Variants in ARHGEF11 observed in about 807,000 individuals in gnomAD.
ARHGEF11 encodes Rho guanine exchange factor (GEF) 11.
In ARHGEF11, 55 loss-of-function variants were observed where a neutral mutation model predicts 193.7. The observed-to-expected ratio is 0.28, with a 90% CI of 0.23 to 0.36. The LOEUF (loss-of-function observed/expected upper bound fraction) is 0.36, where lower values mean the gene tolerates loss of function less well. ARHGEF11 is among the 10% of genes least tolerant of loss of function. ARHGEF11 has a pLI of 1.00. For synonymous variants in ARHGEF11, 693 were observed against 768.0 expected (o/e 0.90, Z 1.62); for missense variants, 1,723 against 2,005.6 (o/e 0.86, Z 2.69).
intron 1 of ARHGEF11, among the ~76,000 whole-genome samples, chr1:156,996,173 C>T (rs1485821162): frequency 1.3e-5 from 2 of 152,070 alleles, no homozygotes; most frequent in African/African-American, 4.8e-5. Flanking sequence ...CACTGGTGAC[C>T]CTGTAAGAAC....
intron 1 of ARHGEF11, among the ~76,000 whole-genome samples, chr1:157,000,259 G>A (rs577532008): frequency 6.6e-5 from 10 of 152,242 alleles, no homozygotes; most frequent in African/African-American, 1.7e-4. Flanking sequence ...CACCGTGCCC[G>A]GCCCTACAGG....
chr1:156,944,262 C>T (rs1338666076), intron 31 of ARHGEF11, 96 bp downstream of exon 31: 19 of 1,471,402 alleles, frequency 1.3e-5, no homozygotes, highest in Admixed American at 3.6e-5. Context: ...TGAGCTATCA[C>T]CTCCAGTCAT....
At position 156,935,762 on chromosome 1, in the gene ARHGEF11, A is replaced by G. The variant is rs1474263566; in HGVS notation, c.*238T>C. 5.6e-6 allele frequency: 3 copies of G among 533,516 alleles called. No individual in the cohort carries two copies. Among genetic ancestry groups the G allele is most frequent in the Middle Eastern group, 4.9e-4 (1 of 2,058 alleles). The allele number at this position is 533,516 out of a possible 1,614,324, so 33.0% of individuals were successfully genotyped here. ...CCTTTCGGATGCAGTCAGCATGCTT[A>G]GGAGACATGAGGCCTTGGAGGGTTG... is the stretch of plus-strand genomic sequence containing the variant. On this transcript the variant is annotated 3_prime_UTR_variant, in exon 41 of 41. Transcript: ENST00000368194.
intron 1 of ARHGEF11, among the ~76,000 whole-genome samples, chr1:156,996,601 G>A (rs1011534052): frequency 7.2e-5 from 11 of 151,740 alleles, no homozygotes; most frequent in East Asian, 4.0e-4. Flanking sequence ...GTGAAACCCC[G>A]TCTCTACTAA....
intron 1 of ARHGEF11, among the ~76,000 whole-genome samples, chr1:157,000,866 G>GT (rs1310697267): frequency 1.3e-5 from 2 of 152,180 alleles, no homozygotes; most frequent in Non-Finnish European, 2.9e-5. Flanking sequence ...GCAGAAGTGG[G>GT]AGGCGGGCCA....
chr1:156,978,793 ATT>A (rs1043401641), intron 5 of ARHGEF11, among the ~76,000 whole-genome samples: 11 of 152,208 alleles, frequency 7.2e-5, no homozygotes, highest in Non-Finnish European at 1.3e-4. Context: ...TTTCTTCAAC[ATT>A]TGTTGTTTCT....
intron 1 of ARHGEF11, among the ~76,000 whole-genome samples, chr1:157,019,986 G>A (rs1483698400): frequency 2.0e-5 from 3 of 152,072 alleles, no homozygotes; most frequent in Non-Finnish European, 4.4e-5. Context: ...AATTAGCCAG[G>A]TGTGGTGGCG....
intron 27 of ARHGEF11, 58 bp downstream of exon 27, chr1:156,946,878 T>G: frequency 1.2e-6 from 2 of 1,613,260 alleles, no homozygotes; most frequent in South Asian, 2.2e-5. Context: ...CCTTGGGTAA[T>G]GAGACCCTGC....
rs749950161 is a variant in ARHGEF11, at chr1:156,958,816, C to T, written c.1428G>A (p.Leu476=). The T allele has an allele frequency of 6.2e-7, 1 of 1,614,110 alleles. No homozygotes were observed. The highest frequency in any genetic ancestry group is 8.5e-7 in the Non-Finnish European group (1 of 1,180,042). The part of the protein sequence containing the change: ...GLGSLYGEND[L]LDLDGDPLRE... ...GGAGAGGGTCCCCATCCAGGTCCAG[C>T]AGGTCATTTTCACCATACAGGCTGC... The change falls in exon 17 of 41, where the codon CTG becomes CTA. Residue 476 remains leucine, a synonymous_variant. Transcript: ENST00000368194.
chr1:157,009,830 T>C (rs1227746811), intron 1 of ARHGEF11, among the ~76,000 whole-genome samples: 1 of 152,208 alleles, frequency 6.6e-6, no homozygotes, highest in African/African-American at 2.4e-5. Flanking sequence ...CATTCCAATG[T>C]AAAAAGGCTC....
chr1:156,951,424 G>A, intron 22 of ARHGEF11, 149 bp downstream of exon 22: 2 of 1,052,228 alleles, frequency 1.9e-6, no homozygotes, highest in Non-Finnish European at 2.7e-6. Context: ...TGTGTCTCCT[G>A]AAGATACTGG....
At chr1:157,042,400 A>G (rs1166318385) in intron 1 of ARHGEF11, among the ~76,000 whole-genome samples, 2 of 152,144 alleles carry the variant, frequency 1.3e-5, no homozygotes, top group African/African-American at 4.8e-5. Flanking sequence ...ACAGAAGCCT[A>G]GTTAGACATG....
At chr1:156,960,633 T>G (rs1455829146) in intron 14 of ARHGEF11, among the ~76,000 whole-genome samples, 173 bp from the exon 15 acceptor site, 1 of 152,180 alleles carries the variant, frequency 6.6e-6, no homozygotes. Flanking sequence ...AGGCTAGGGT[T>G]TTTGGGAAAT....
At position 156,944,489 on chromosome 1, in the gene ARHGEF11, T is replaced by C. The variant is rs535076491; in HGVS notation, c.2992-56A>G. ...TCATTCATTCATTCATTCAAGTGTT[T>C]GAGAGCCTACTGTGTGCCAGACATT... On this transcript the variant is annotated intron_variant, in intron 30 of 40. Transcript: ENST00000368194. 1.7e-5 allele frequency: 27 copies of C among 1,557,466 alleles called. No homozygotes were observed. In the East Asian group the frequency reaches 6.1e-4, roughly 35 times the overall value.
intron 2 of ARHGEF11, 106 bp from the exon 3 acceptor site, chr1:156,984,543 C>G (rs1341055608): frequency 1.7e-5 from 12 of 698,580 alleles, no homozygotes; most frequent in African/African-American, 7.2e-5. Context: ...CTTCAAGAAG[C>G]CTTTTCACAC....
At position 156,959,108 on chromosome 1, in the gene ARHGEF11, A is replaced by C; in HGVS notation, c.1317T>G (p.Gly439=). 1 of 1,614,178 alleles carries C rather than the reference A, an allele frequency of 6.2e-7. No individual in the cohort carries two copies. Residue 439 remains glycine (G), a synonymous_variant, in exon 16 of 41, where the codon GGT becomes GGG. Transcript: ENST00000368194. ...SRLRNSEDAR[G]VLCEAQEAAM... ...CTGCCTCTTGAGCTTCACAGAGAAC[A>C]CCACGGGCATCTTCGCTGTTCCGCA...
rs775541433 is a variant in ARHGEF11 at position 156,959,173 on chromosome 1, G to A, written c.1283-31C>T. On this transcript the variant is annotated intron_variant, in intron 15 of 40. Coordinates refer to ENST00000368194, the MANE Select transcript of ARHGEF11 (RefSeq NM_198236.3). The stretch of plus-strand genomic sequence containing the variant: ...GTGGGAGATCAGAGAAAGCAGAGTG[G>A]ATGGGGTACTGGGGGTGGAGGGGGA... The A allele has an allele frequency of 6.3e-6, 10 of 1,596,140 alleles. No individual in the cohort carries two copies. The African/African-American group carries it at 1.3e-4, about 21-fold the overall frequency.
At position 157,027,153 on chromosome 1, in the gene ARHGEF11, G is replaced by A. The variant is rs1670743550; in HGVS notation, c.32+17146C>T. On this transcript the variant is annotated intron_variant, in intron 1 of 40. Coordinates refer to ENST00000368194, the MANE Select transcript of ARHGEF11 (RefSeq NM_198236.3). Reference sequence around the variant, plus strand: ...CCAGCACTTTAGGAGGCCAAGGCAGGAGGATCGCTTGAGCCTAGGATCACT... The same window carrying A: ...CCAGCACTTTAGGAGGCCAAGGCAGAAGGATCGCTTGAGCCTAGGATCACT... 3.3e-5 allele frequency among the ~76,000 whole-genome samples: 5 copies of A among 152,210 alleles called. No homozygotes were observed. The South Asian group carries it at 1.0e-3, about 32-fold the overall frequency.
In ARHGEF11 at chr1:156,957,834, C is replaced by T. The variant is rs753297997; in HGVS notation, c.1503-19G>A. Reference sequence around the variant, plus strand: ...CTTGGACCTGGAATGGAAGAAAGAACAGATGACTCAGACTGCAAAGACAGA... The same window carrying T: ...CTTGGACCTGGAATGGAAGAAAGAATAGATGACTCAGACTGCAAAGACAGA... On this transcript the variant is annotated intron_variant, in intron 17 of 40. Transcript: ENST00000368194. 4 of 1,613,904 alleles carry T rather than the reference C, an allele frequency of 2.5e-6. No individual in the cohort carries two copies. Among genetic ancestry groups the T allele is most frequent in the Admixed American group, 3.3e-5 (2 of 60,024 alleles).
Sources: gnomAD v4.1 joint callset for allele counts (sites outside exome capture counted in the v4.1 genomes callset) on GRCh38, gnomAD v4.1.1 for gene constraint, MANE v1.5 for transcripts, NCBI Gene and HGNC (gene_info 2026-07-23, HGNC 2026-07-21) for gene names.